The following BMP8B variants were observed in gnomAD, a reference collection of about 807,000 sequenced individuals.
The protein encoded by BMP8B is bone morphogenetic protein 8b.
A neutral mutation model predicts 30.3 loss-of-function variants in BMP8B; 17 were observed. The ratio of observed to expected loss-of-function variants is 0.56; its 90% confidence interval spans 0.38 to 0.84. The LOEUF is 0.84. Among genes scored for constraint, BMP8B ranks in the 40% least tolerant of loss-of-function variants. The pLI, the probability that BMP8B is intolerant of heterozygous loss-of-function variation, is 0.00. For synonymous variants in BMP8B, 131 were observed against 214.7 expected (o/e 0.61, Z 3.41); for missense variants, 253 against 494.6 (o/e 0.51, Z 4.63).
rs149276444 is a variant in BMP8B, at chr1:39,763,127, T to C, written c.1024A>G (p.Met342Val). 109 of 1,614,010 alleles carry C rather than the reference T, an allele frequency of 6.8e-5. No homozygotes were observed. In the African/African-American group the frequency reaches 1.4e-3, roughly 21 times the overall value. Residue 342 changes from methionine (M) to valine (V), a missense_variant, in exon 6 of 7, where the codon ATG becomes GTG. Around this residue, in one of 7 missense-constraint regions of BMP8B, gnomAD observed 116 missense variants for 142.3 expected, o/e 0.81. Transcript: ENST00000372827. The part of the protein sequence containing the change: ...GECSFPLDSC[M>V]NATNHAILQS... The stretch of plus-strand genomic sequence containing the variant: ...AGGATGGCGTGGTTGGTGGCATTCA[T>C]GCAGGAGTCCAGTGGGAAGGAGCAC...
intron 6 of BMP8B, 114 bp downstream of exon 6, chr1:39,762,978 G>T (rs1395121684): frequency 1.5e-6 from 2 of 1,315,942 alleles, no homozygotes; most frequent in African/African-American, 2.9e-5. Context: ...TGCAGACAAA[G>T]CCCCCTGAGA....
chr1:39,770,739 G>A, intron 3 of BMP8B: 4 of 1,033,676 alleles, frequency 3.9e-6, no homozygotes, highest in Non-Finnish European at 5.3e-6. Flanking sequence ...GGGGTGTAGC[G>A]GATGGGGGCG....
Position 39,763,783 on chromosome 1 carries a change from G to A in BMP8B, c.877C>T (p.His293Tyr). The A allele has an allele frequency of 1.2e-6, 2 of 1,600,348 alleles. No homozygotes were observed. Among genetic ancestry groups the A allele is most frequent in the Non-Finnish European group, 8.5e-7 (1 of 1,171,452 alleles). Residue 293 changes from histidine (H) to tyrosine (Y), a missense_variant, in exon 5 of 7, where the codon CAC becomes TAC. Coordinates refer to ENST00000372827, the MANE Select transcript of BMP8B (RefSeq NM_001720.5). ...CAGACCTGCCGGCCGTGGGAGCCGT[G>A]GACGTCATCTGCAGGGACAGAAGGG... ...NRLPGIFDDV[H>Y]GSHGRQVCRR... is the part of the protein sequence containing the mutation.
At chr1:39,786,115 A>G (rs1650968400) in intron 1 of BMP8B, among the ~76,000 whole-genome samples, 1 of 152,244 alleles carries the variant, frequency 6.6e-6, no homozygotes, top group South Asian at 2.1e-4. Context: ...CTCTGAGCCC[A>G]TGAAACAGGG....
Position 39,788,003 on chromosome 1 carries a change from C to A in BMP8B, c.334+149G>T. The A allele has an allele frequency of 7.7e-7, 1 of 1,303,388 alleles. No homozygotes were observed. The highest frequency in any genetic ancestry group is 9.8e-7 in the Non-Finnish European group (1 of 1,016,796). The allele number at this position is 1,303,388 out of a possible 1,614,324, so 80.7% of individuals were successfully genotyped here. On this transcript the variant is annotated intron_variant, in intron 1 of 6. Transcript: ENST00000372827. The surrounding 1 kb of genome is among the most constrained non-coding windows in gnomAD (Gnocchi z 5.8). ...GGGGCCCCCATGACCCTTAGACCTTCCCTAACCACGGCGGTCCCACTCCCC... is the reference window on the plus strand; with the variant it reads ...GGGGCCCCCATGACCCTTAGACCTTACCTAACCACGGCGGTCCCACTCCCC...
intron 5 of BMP8B, 151 bp downstream of exon 5, chr1:39,763,561 C>T (rs1182836646): frequency 8.3e-7 from 1 of 1,211,660 alleles, no homozygotes; most frequent in East Asian, 2.7e-5. Flanking sequence ...CCTTTCTCAC[C>T]ATATTCTCAC....
In BMP8B at chr1:39,788,845, G is replaced by A. The variant is rs1375940751; in HGVS notation, c.-360C>T. ...GCGAGCTCCTGCAGCCACCCGCTTG[G>A]TGCGGTTCCCGCGAGTCCCTGCCCT... On this transcript the variant is annotated 5_prime_UTR_variant, in exon 1 of 7. Coordinates refer to ENST00000372827, the MANE Select transcript of BMP8B (RefSeq NM_001720.5). This position sits in a 1 kb window ranked among gnomAD's most constrained non-coding sequence, Gnocchi z 5.8. 5 of 152,120 alleles carry A rather than the reference G, an allele frequency of 3.3e-5. No homozygotes were observed. Among genetic ancestry groups the A allele is most frequent in the African/African-American group, 1.2e-4 (5 of 41,414 alleles). 9.4% of individuals were successfully genotyped at this position (152,120 alleles called of 1,614,324 possible). A position where few individuals can be genotyped will look rare whatever the true frequency, so the allele number is the denominator to read the frequency against.
At chr1:39,761,435 C>G (rs1333749861) in intron 6 of BMP8B, 1 of 152,846 alleles carries the variant, frequency 6.5e-6, no homozygotes, top group East Asian at 1.9e-4. Flanking sequence ...CCCCCACCCC[C>G]AATCCCAGCC....
chr1:39,788,159 A>G lies in BMP8B; in HGVS notation c.327T>C (p.Val109=), dbSNP rs532175918. The change falls in exon 1 of 7, where the codon GTT becomes GTC. Residue 109 remains valine, a synonymous_variant. Transcript: ENST00000372827. This position sits in a 1 kb window ranked among gnomAD's most constrained non-coding sequence, Gnocchi z 5.8. ...GCGGGCGGCCGCACTCACCCATGTT[A>G]ACGAAGCTCATGACCAGGTCGGCGC... ...LGRADLVMSF[V]NMVERDRALG... The G allele has an allele frequency of 3.7e-5, 58 of 1,570,640 alleles. No individual in the cohort carries two copies. Among genetic ancestry groups the G allele is most frequent in the East Asian group, 7.2e-5 (3 of 41,682 alleles).
Position 39,758,737 on chromosome 1 carries a change from T to G in BMP8B, c.*1682A>C, listed in dbSNP as rs987573383. Reference sequence around the variant, plus strand: ...GGTCTCTTCACCTCCAGGCCAGAGCTGAGATCCCTGTGCTGATAGGGAATT... The same window carrying G: ...GGTCTCTTCACCTCCAGGCCAGAGCGGAGATCCCTGTGCTGATAGGGAATT... On this transcript the variant is annotated 3_prime_UTR_variant, in exon 7 of 7. Coordinates refer to ENST00000372827, the MANE Select transcript of BMP8B (RefSeq NM_001720.5). 1 of 152,316 alleles carries G rather than the reference T, an allele frequency of 6.6e-6. No individual in the cohort carries two copies. The highest frequency in any genetic ancestry group is 6.5e-5 in the Admixed American group (1 of 15,290). The allele number at this position is 152,316 out of a possible 1,614,324, so 9.4% of individuals were successfully genotyped here.
chr1:39,777,483 C>T (rs1263745005), intron 1 of BMP8B, among the ~76,000 whole-genome samples: 1 of 152,216 alleles, frequency 6.6e-6, no homozygotes, highest in South Asian at 2.1e-4. Flanking sequence ...CCAGGAAAGG[C>T]CCTGTGGGCA....
intron 1 of BMP8B, among the ~76,000 whole-genome samples, chr1:39,787,358 G>A (rs1651054872): frequency 6.6e-6 from 1 of 152,174 alleles, no homozygotes; most frequent in African/African-American, 2.4e-5. Context: ...GCAGATGGGT[G>A]ACCTGACCAA....
chr1:39,775,123 G>C (rs1454373287), intron 1 of BMP8B, 85 bp from the exon 2 acceptor site: 15 of 1,571,704 alleles, frequency 9.5e-6, no homozygotes, highest in Non-Finnish European at 1.3e-5. Flanking sequence ...ACCGCCCCCA[G>C]CCACCCACCA....
At chr1:39,771,313 C>T in intron 3 of BMP8B, 2 of 1,419,706 alleles carry the variant, frequency 1.4e-6, no homozygotes, top group South Asian at 1.5e-5. Flanking sequence ...CGCCTCGGGC[C>T]GCGCGTCACA....
In BMP8B at chr1:39,774,435, CA is replaced by C; in HGVS notation, c.545del (p.Leu182TrpfsTer27). The C allele has an allele frequency of 5.9e-6, 2 of 338,544 alleles. No individual in the cohort carries two copies. The highest frequency in any genetic ancestry group is 8.9e-6 in the Non-Finnish European group (2 of 223,686). 21.0% of individuals were successfully genotyped at this position (338,544 alleles called of 1,614,324 possible). ...CTCCAGCTCGGAGCGTCTGAAGATC[CA>C]AAAAGAACAAGTCAGACTCCCTGTG... ...QSNRESDLFF[L>X]DLQTLRAGDE... On this transcript the variant is annotated frameshift_variant, in exon 3 of 7. Transcript: ENST00000372827. LOFTEE classifies it high-confidence loss of function.
Position 39,768,907 on chromosome 1 carries a change from A to AGT in BMP8B, c.674-4092_674-4091dup, listed in dbSNP as rs571810601. 1.6e-3 allele frequency among the ~76,000 whole-genome samples: 236 copies of AGT among 150,782 alleles called. 10 individuals carry two copies. Among genetic ancestry groups the AGT allele is most frequent in the South Asian group, 0.013 (63 of 4,710 alleles). On this transcript the variant is annotated intron_variant, in intron 3 of 6. Coordinates refer to ENST00000372827, the MANE Select transcript of BMP8B (RefSeq NM_001720.5). ...AAGCTAAGGTTAATTGGCCCAACTCAGTGGCTCATGTCTGTAATCCCAGCA... is the reference window on the plus strand; with the variant it reads ...AAGCTAAGGTTAATTGGCCCAACTCAGTGTGGCTCATGTCTGTAATCCCAGCA...
chr1:39,788,241 TGGTACA>T lies in BMP8B; in HGVS notation c.239_244del (p.Leu80_Tyr81del). The T allele has an allele frequency of 6.4e-7, 1 of 1,565,364 alleles. No individual in the cohort carries two copies. Among genetic ancestry groups the T allele is most frequent in the Non-Finnish European group, 8.6e-7 (1 of 1,165,764 alleles). On this transcript the variant is annotated inframe_deletion, in exon 1 of 7. Transcript: ENST00000372827. This position sits in a 1 kb window ranked among gnomAD's most constrained non-coding sequence, Gnocchi z 5.8. ...CTCGTCGTCGTCGCCGGCCATGGCG[TGGTACA>T]GGTCCAGCATGAAGAGCGGCGCGGA...
chr1:39,778,128 C>T (rs1031894438), intron 1 of BMP8B, among the ~76,000 whole-genome samples: 17 of 152,264 alleles, frequency 1.1e-4, no homozygotes, highest in Non-Finnish European at 2.2e-4. Context: ...GGGGGTGCCC[C>T]GGCCCCTTCT....
At chr1:39,780,775 C>A (rs1393480007) in intron 1 of BMP8B, among the ~76,000 whole-genome samples, 1 of 152,214 alleles carries the variant, frequency 6.6e-6, no homozygotes, top group Admixed American at 6.5e-5. Flanking sequence ...GGCACCTGTA[C>A]TTCCCAGCTA....
Sources: gnomAD v4.1 joint callset for allele counts (sites outside exome capture counted in the v4.1 genomes callset) on GRCh38, gnomAD v4.1.1 for gene constraint, gnomAD v4.1.1 regional missense constraint, Gnocchi (gnomAD v3.1) non-coding constraint, MANE v1.5 for transcripts, NCBI Gene and HGNC (gene_info 2026-07-23, HGNC 2026-07-21) for gene names.